Variants in EYA1 observed in about 807,000 individuals in gnomAD.
The protein encoded by EYA1 is EYA transcriptional coactivator and phosphatase 1, also known as protein phosphatase EYA1.
Under a neutral mutation model 82.0 loss-of-function variants are expected in EYA1, and 16 were observed. The observed-to-expected ratio is 0.20, with a 90% confidence interval of 0.13 to 0.30. The LOEUF (loss-of-function observed/expected upper bound fraction) is 0.30, where lower values mean the gene tolerates loss of function less well. Among genes scored for constraint, EYA1 ranks in the 10% least tolerant of loss-of-function variants. EYA1 has a pLI of 1.00. For missense variants in EYA1, 633 were observed against 730.7 expected, an observed-to-expected ratio of 0.87 and a Z score of 1.54; for synonymous variants, 261 against 264.4, an observed-to-expected ratio of 0.99 and a Z score of 0.12.
chr8:71,299,141 G>A lies in EYA1; in HGVS notation c.732C>T (p.Asn244=), dbSNP rs1438878442. The change falls in exon 9 of 18, where the codon AAC becomes AAT. Residue 244 remains asparagine (N), a synonymous_variant. Coordinates refer to ENST00000340726, the MANE Select transcript of EYA1 (RefSeq NM_000503.6). ...TGGTGGATGGTGTCGTTGGGCTGGT[G>A]TTGCTGCTGGTCATATAATGTGCTG... ...PYPAHYMTSS[N]TSPTTPSTNA... The A allele has an allele frequency of 6.2e-7, 1 of 1,614,162 alleles. No homozygotes were observed. The highest frequency in any genetic ancestry group is 8.5e-7 in the Non-Finnish European group (1 of 1,180,000).
rs770401127 is a variant in EYA1, at chr8:71,427,912, C to T, written c.34-71401G>A. Among the ~76,000 whole-genome samples, 10 of 150,338 alleles carry T rather than the reference C, an allele frequency of 6.7e-5. No individual in the cohort carries two copies. The South Asian group carries it at 8.4e-4, about 13-fold the overall frequency. On this transcript the variant is annotated intron_variant, in intron 2 of 18. Coordinates refer to the EYA1 transcript ENST00000643681. ...GAAGGGTTGCTTGAGCCTGGGAGGT[C>T]GAGGCTGCAGTGAGCAGTGATGGCA...
intron 3 of EYA1, among the ~76,000 whole-genome samples, chr8:71,336,138 G>A (rs528495563): frequency 4.6e-4 from 70 of 152,256 alleles, no homozygotes; most frequent in African/African-American, 1.6e-3. Context: ...ACAGTAAGGG[G>A]CAGAAATAAG....
intron 9 of EYA1, among the ~76,000 whole-genome samples, chr8:71,283,874 C>T (rs1818091940): frequency 6.6e-6 from 1 of 152,078 alleles, no homozygotes; most frequent in Non-Finnish European, 1.5e-5. Context: ...ATTATTTCTA[C>T]CCAGATCTGT....
intron 11 of EYA1, among the ~76,000 whole-genome samples, chr8:71,264,721 C>G (rs868769878): frequency 6.6e-6 from 1 of 151,788 alleles, no homozygotes; most frequent in Non-Finnish European, 1.5e-5. Context: ...TAGGACTACA[C>G]GCATGTGCCA....
chr8:71,255,417 T>C (rs985437531), intron 11 of EYA1, among the ~76,000 whole-genome samples: 13 of 152,158 alleles, frequency 8.5e-5, no homozygotes, highest in African/African-American at 9.7e-5. Flanking sequence ...CAATGGAATA[T>C]AGAGAGAGAC....
intron 2 of EYA1, chr8:71,403,521 G>C (rs540665349): frequency 6.6e-6 from 1 of 152,082 alleles, no homozygotes; most frequent in South Asian, 2.1e-4. Context: ...TCGGACTTGA[G>C]ATTATATCCT....
intron 2 of EYA1, among the ~76,000 whole-genome samples, chr8:71,494,689 G>A (rs1223883112): frequency 1.3e-5 from 2 of 152,066 alleles, no homozygotes; most frequent in Admixed American, 1.3e-4. Context: ...TGAAGACAAG[G>A]CCTAGAGCAA....
At chr8:71,470,783 G>T in intron 2 of EYA1, 1 of 440,104 alleles carries the variant, frequency 2.3e-6, no homozygotes, top group South Asian at 1.6e-5. Context: ...ACACTGTGTG[G>T]CTAAAAGATG....
At chr8:71,516,561 C>T (rs1476756520) in intron 2 of EYA1, among the ~76,000 whole-genome samples, 1 of 152,162 alleles carries the variant, frequency 6.6e-6, no homozygotes, top group East Asian at 1.9e-4. Flanking sequence ...GCCAGTAACA[C>T]ATAAATGATT....
intron 3 of EYA1, among the ~76,000 whole-genome samples, chr8:71,350,046 C>G (rs1410091125): frequency 6.6e-6 from 1 of 152,102 alleles, no homozygotes; most frequent in African/African-American, 2.4e-5. Context: ...TCTGTGGTTA[C>G]AGACAAACTA....
At chr8:71,230,991 A>G (rs1437422047) in intron 12 of EYA1, among the ~76,000 whole-genome samples, 1 of 152,150 alleles carries the variant, frequency 6.6e-6, no homozygotes, top group Non-Finnish European at 1.5e-5. Flanking sequence ...TGTCCAACAC[A>G]CACTTCAGGT....
intron 2 of EYA1, among the ~76,000 whole-genome samples, chr8:71,377,312 C>T (rs527268063): frequency 6.6e-6 from 1 of 152,244 alleles, no homozygotes; most frequent in South Asian, 2.1e-4. Flanking sequence ...CCATATTGGA[C>T]ATTCTAGCCC....
At chr8:71,257,352 A>G (rs1382575427) in intron 11 of EYA1, among the ~76,000 whole-genome samples, 1 of 152,192 alleles carries the variant, frequency 6.6e-6, no homozygotes, top group Non-Finnish European at 1.5e-5. Context: ...TATGTTTGCA[A>G]GTTTCTATAA....
At chr8:71,354,755 G>C in intron 3 of EYA1, 27 bp downstream of exon 3, 2 of 1,609,090 alleles carry the variant, frequency 1.2e-6, no homozygotes. Flanking sequence ...AAGGTGCAAA[G>C]TAAATAGTGA....
intron 9 of EYA1, among the ~76,000 whole-genome samples, chr8:71,294,590 A>T (rs959224727): frequency 6.6e-6 from 1 of 152,356 alleles, no homozygotes; most frequent in Admixed American, 6.5e-5. Context: ...AAGAAATCAA[A>T]GAAGATATAA....
At chr8:71,267,793 C>T (rs1294647914) in intron 11 of EYA1, among the ~76,000 whole-genome samples, 1 of 152,132 alleles carries the variant, frequency 6.6e-6, no homozygotes, top group African/African-American at 2.4e-5. Flanking sequence ...CGTGATCCAC[C>T]CGCCTTGGCC....
chr8:71,461,309 T>C (rs75288854), intron 2 of EYA1, among the ~76,000 whole-genome samples: 289 of 152,272 alleles, frequency 1.9e-3, no homozygotes, highest in Middle Eastern at 3.4e-3. Flanking sequence ...GGTGTGTTAG[T>C]GAGCGTGGCG....
chr8:71,509,841 A>G (rs1398478896), intron 2 of EYA1, among the ~76,000 whole-genome samples: 1 of 152,050 alleles, frequency 6.6e-6, no homozygotes, highest in Non-Finnish European at 1.5e-5. Flanking sequence ...TCCTGTCTCT[A>G]AAAAATATTC....
At chr8:71,406,040 C>G (rs531503429) in intron 2 of EYA1, among the ~76,000 whole-genome samples, 33 of 152,146 alleles carry the variant, frequency 2.2e-4, no homozygotes, top group Admixed American at 2.0e-4. Flanking sequence ...AACTCAATTT[C>G]TTTAACAACC....
Sources: gnomAD v4.1 joint callset for allele counts (sites outside exome capture counted in the v4.1 genomes callset) on GRCh38, gnomAD v4.1.1 for gene constraint, MANE v1.5 for transcripts, NCBI Gene and HGNC (gene_info 2026-07-23, HGNC 2026-07-21) for gene names.